The following CNTN4 variants were observed in gnomAD, a reference collection of about 807,000 sequenced individuals.
CNTN4 encodes contactin-4.
Under a neutral mutation model 122.5 loss-of-function variants are expected in CNTN4, and 77 were observed. That is an observed-to-expected ratio of 0.63 (90% CI 0.52 to 0.76). CNTN4 has a LOEUF of 0.76. CNTN4 is among the 30% of genes least tolerant of loss of function. The pLI, the probability that CNTN4 is intolerant of heterozygous loss-of-function variation, is 0.00. For synonymous variants in CNTN4, 512 were observed against 447.0 expected (o/e 1.15, Z -1.83); for missense variants, 1,256 against 1,259.1 (o/e 1.00, Z 0.04).
intron 4 of CNTN4, among the ~76,000 whole-genome samples, chr3:2,647,556 A>G (rs138289083): frequency 3.9e-4 from 60 of 152,282 alleles, no homozygotes; most frequent in Non-Finnish European, 6.8e-4. Context: ...TAGAAATGTC[A>G]TAACATTTAT....
intron 6 of CNTN4, among the ~76,000 whole-genome samples, chr3:2,790,972 C>T: frequency 6.6e-6 from 1 of 152,008 alleles, no homozygotes; most frequent in East Asian, 1.9e-4. Context: ...TAATACTTGT[C>T]TTCTCTGCTA....
At chr3:2,585,880 A>G (rs996749478) in intron 4 of CNTN4, among the ~76,000 whole-genome samples, 1 of 151,844 alleles carries the variant, frequency 6.6e-6, no homozygotes, top group East Asian at 1.9e-4. Context: ...AGGGGGAGAA[A>G]AAAAAAAAAG....
rs182448192 is a variant in CNTN4 at position 2,705,135 on chromosome 3, G to A, written c.56-31080G>A. On this transcript the variant is annotated intron_variant, in intron 4 of 24. Coordinates refer to ENST00000418658, the MANE Select transcript of CNTN4 (RefSeq NM_175607.3). ...AATTCTCAGCTGGCTTTGGGAGGCC[G>A]AGGCAGGCGGATCACGAGGTCAGGA... Among the ~76,000 whole-genome samples the A allele has an allele frequency of 3.6e-3, 550 of 151,348 alleles. 13 individuals carry two copies. The highest frequency in any genetic ancestry group is 0.021 in the Middle Eastern group (6 of 292).
chr3:3,037,239 T>C lies in CNTN4; in HGVS notation c.2003T>C (p.Val668Ala). ...ACCGTGGTGGGTTTGAACCCTTGGG[T>C]TGAATATGAATTCCGCACAGTTGCA... ...TATVVGLNPW[V>A]EYEFRTVAAN... Residue 668 changes from valine to alanine, a missense_variant, in exon 18 of 25, where the codon GTT becomes GCT. By Grantham distance (64) the Val-to-Ala change is moderately conservative (BLOSUM62 0). Transcript: ENST00000418658. 1 of 1,614,166 alleles carries C rather than the reference T, an allele frequency of 6.2e-7. No individual in the cohort carries two copies. Among genetic ancestry groups the C allele is most frequent in the Non-Finnish European group, 8.5e-7 (1 of 1,180,018 alleles).
chr3:2,807,935 G>A (rs1291718334), intron 6 of CNTN4, among the ~76,000 whole-genome samples: 1 of 152,124 alleles, frequency 6.6e-6, no homozygotes, highest in African/African-American at 2.4e-5. Flanking sequence ...ATTAAGAGAA[G>A]GTATAATTAC....
intron 4 of CNTN4, among the ~76,000 whole-genome samples, chr3:2,604,212 T>C (rs2081165714): frequency 6.6e-6 from 1 of 152,172 alleles, no homozygotes; most frequent in Admixed American, 6.5e-5. Context: ...ATAAATCTCT[T>C]AGTGTGTCTG....
chr3:2,681,076 C>G (rs1266470064), intron 4 of CNTN4, among the ~76,000 whole-genome samples: 2 of 152,172 alleles, frequency 1.3e-5, no homozygotes, highest in Admixed American at 6.5e-5. Flanking sequence ...TATTTAGACT[C>G]TAATGGGGGT....
intron 3 of CNTN4, among the ~76,000 whole-genome samples, chr3:2,463,220 C>T (rs940635322): frequency 6.7e-6 from 1 of 148,294 alleles, no homozygotes; most frequent in African/African-American, 2.5e-5. Flanking sequence ...AAAAAAAAAA[C>T]ACTTGACTTT....
chr3:2,155,410 C>A (rs2035676612), intron 2 of CNTN4, among the ~76,000 whole-genome samples: 1 of 152,106 alleles, frequency 6.6e-6, no homozygotes, highest in Non-Finnish European at 1.5e-5. Context: ...ACATTGGAGT[C>A]CCCCAGGAGC....
intron 2 of CNTN4, among the ~76,000 whole-genome samples, chr3:2,135,827 A>C (rs2034666797): frequency 6.6e-6 from 1 of 152,214 alleles, no homozygotes; most frequent in Admixed American, 6.5e-5. Flanking sequence ...GTCTACAGCG[A>C]ATTGGAGAGA....
At chr3:3,037,377 C>T in intron 18 of CNTN4, 49 bp downstream of exon 18, 2 of 1,613,334 alleles carry the variant, frequency 1.2e-6, no homozygotes, top group Non-Finnish European at 1.7e-6. Context: ...GCTGCTGTTC[C>T]TTAGGAAAAG....
chr3:2,348,852 G>C (rs2150420556), intron 3 of CNTN4, among the ~76,000 whole-genome samples: 1 of 152,180 alleles, frequency 6.6e-6, no homozygotes, highest in Admixed American at 6.5e-5. Flanking sequence ...TTTCCATTTT[G>C]ATATTAATCA....
At chr3:2,293,817 G>A (rs1216909762) in intron 2 of CNTN4, among the ~76,000 whole-genome samples, 1 of 151,842 alleles carries the variant, frequency 6.6e-6, no homozygotes, top group South Asian at 2.1e-4. Flanking sequence ...TTTTTTAAGT[G>A]TAGGCAGTTC....
intron 3 of CNTN4, among the ~76,000 whole-genome samples, chr3:2,390,595 G>A (rs1312513568): frequency 6.6e-6 from 1 of 152,114 alleles, no homozygotes; most frequent in Admixed American, 6.5e-5. Context: ...TAAGCTAGTA[G>A]AGCTTATGGG....
At chr3:2,236,736 C>T (rs914710500) in intron 2 of CNTN4, among the ~76,000 whole-genome samples, 1 of 152,122 alleles carries the variant, frequency 6.6e-6, no homozygotes, top group Non-Finnish European at 1.5e-5. Context: ...CTCACTAATA[C>T]CTATTGGATG....
At chr3:2,498,749 T>A (rs2076518489) in intron 3 of CNTN4, among the ~76,000 whole-genome samples, 1 of 152,110 alleles carries the variant, frequency 6.6e-6, no homozygotes, top group South Asian at 2.1e-4. Flanking sequence ...CCCAAAGGGC[T>A]GGTATTACAT....
intron 2 of CNTN4, among the ~76,000 whole-genome samples, chr3:2,161,024 C>A (rs888395452): frequency 4.6e-5 from 7 of 151,944 alleles, no homozygotes; most frequent in African/African-American, 1.7e-4. Flanking sequence ...AAGTTGAGTA[C>A]CAAGTGCTAT....
intron 2 of CNTN4, among the ~76,000 whole-genome samples, chr3:2,188,394 A>G (rs2037372820): frequency 6.6e-6 from 1 of 152,160 alleles, no homozygotes; most frequent in African/African-American, 2.4e-5. Flanking sequence ...CTGAAAACAA[A>G]TGCTTCAGGA....
intron 4 of CNTN4, among the ~76,000 whole-genome samples, chr3:2,573,496 C>T (rs745821266): frequency 6.6e-6 from 1 of 152,160 alleles, no homozygotes; most frequent in Non-Finnish European, 1.5e-5. Context: ...GTTTTAACTT[C>T]TCATAATGAC....
Sources: gnomAD v4.1 joint callset for allele counts (sites outside exome capture counted in the v4.1 genomes callset) on GRCh38, gnomAD v4.1.1 for gene constraint, MANE v1.5 for transcripts, NCBI Gene and HGNC (gene_info 2026-07-23, HGNC 2026-07-21) for gene names.